HLF: variants seen among roughly 807,000 people sequenced by gnomAD.
HLF encodes hepatic leukemia factor.
In HLF, 3 loss-of-function variants were observed where a neutral mutation model predicts 22.6. The observed-to-expected ratio is 0.13, with a 90% confidence interval of 0.06 to 0.34. The LOEUF (loss-of-function observed/expected upper bound fraction) is 0.34. Among genes scored for constraint, HLF ranks in the 10% least tolerant of loss-of-function variants. The probability of loss-of-function intolerance (pLI) is 1.00; values close to 1 mark genes in which losing one functional copy is unlikely to be tolerated. For synonymous variants in HLF, 151 were observed against 151.8 expected, an observed-to-expected ratio of 0.99 and a Z score of 0.04; for missense variants, 299 against 389.2, an observed-to-expected ratio of 0.77 and a Z score of 1.95.
At chr17:55,297,738 CTTTTTTTTT>C (rs34900287) in intron 2 of HLF, among the ~76,000 whole-genome samples, 1 of 62,890 alleles carries the variant, frequency 1.6e-5, no homozygotes, top group African/African-American at 6.9e-5. Flanking sequence ...AACAGCATTT[CTTTTTTTTT>C]TTTTTTTTTT....
intron 2 of HLF, among the ~76,000 whole-genome samples, chr17:55,275,672 T>C (rs2080898597): frequency 6.6e-6 from 1 of 152,204 alleles, no homozygotes; most frequent in African/African-American, 2.4e-5. Flanking sequence ...ATCCTTAATC[T>C]TTCTGAACCT....
chr17:55,292,108 T>G (rs953591230), intron 2 of HLF, among the ~76,000 whole-genome samples: 11 of 152,210 alleles, frequency 7.2e-5, no homozygotes, highest in African/African-American at 2.4e-4. Flanking sequence ...CTGTGAACAT[T>G]GTTGAAATGC....
intron 2 of HLF, among the ~76,000 whole-genome samples, chr17:55,302,219 G>A (rs1347791437): frequency 6.6e-6 from 1 of 152,204 alleles, no homozygotes; most frequent in Non-Finnish European, 1.5e-5. Context: ...AAATGACAGA[G>A]GGATTGGAGG....
chr17:55,310,621 G>A (rs1034557361), intron 2 of HLF, among the ~76,000 whole-genome samples: 7 of 152,144 alleles, frequency 4.6e-5, no homozygotes, highest in African/African-American at 1.2e-4. Context: ...TGCAGAAACC[G>A]GCTAATGCAG....
intron 2 of HLF, among the ~76,000 whole-genome samples, chr17:55,287,571 C>T (rs2081017380): frequency 6.6e-6 from 1 of 152,226 alleles, no homozygotes; most frequent in Non-Finnish European, 1.5e-5. Flanking sequence ...TTGGTGGATT[C>T]TAACAGCAGG....
At chr17:55,298,561 T>A (rs921131758) in intron 2 of HLF, among the ~76,000 whole-genome samples, 1 of 152,180 alleles carries the variant, frequency 6.6e-6, no homozygotes, top group African/African-American at 2.4e-5. Flanking sequence ...AGCTGGAAAA[T>A]TTCAGTTTTT....
intron 2 of HLF, among the ~76,000 whole-genome samples, chr17:55,274,425 T>C (rs2080886832): frequency 6.6e-6 from 1 of 152,134 alleles, no homozygotes; most frequent in African/African-American, 2.4e-5. Context: ...TATTTGGCCC[T>C]CCCCCAGCAA....
chr17:55,279,668 A>G (rs141655332), intron 2 of HLF, among the ~76,000 whole-genome samples: 6 of 152,308 alleles, frequency 3.9e-5, no homozygotes, highest in South Asian at 2.1e-4. Flanking sequence ...CTTGAGGACA[A>G]AATAGTTTTT....
At chr17:55,267,165 T>C (rs1317616085) in intron 1 of HLF, among the ~76,000 whole-genome samples, 2 of 152,176 alleles carry the variant, frequency 1.3e-5, no homozygotes, top group African/African-American at 4.8e-5. Flanking sequence ...ATGGAGGTAA[T>C]TGTTATTTTG....
At chr17:55,300,926 A>T (rs1044858398) in intron 2 of HLF, among the ~76,000 whole-genome samples, 2 of 151,162 alleles carry the variant, frequency 1.3e-5, no homozygotes, top group Non-Finnish European at 3.0e-5. Flanking sequence ...AATGCTTACC[A>T]CTCTTCTTAC....
intron 2 of HLF, among the ~76,000 whole-genome samples, chr17:55,296,524 A>G (rs1362970971): frequency 6.6e-6 from 1 of 152,204 alleles, no homozygotes; most frequent in East Asian, 1.9e-4. Context: ...TGCATACAAT[A>G]CATAGTGTTA....
At chr17:55,277,819 G>A (rs537370720) in intron 2 of HLF, among the ~76,000 whole-genome samples, 21 of 152,342 alleles carry the variant, frequency 1.4e-4, no homozygotes, top group African/African-American at 4.1e-4. Flanking sequence ...GACAATTACA[G>A]GAGTGTTGGC....
rs1472447742 is a variant in HLF, at chr17:55,265,609, G to C, written c.115+10G>C. 1.3e-6 allele frequency: 2 copies of C among 1,566,448 alleles called. No individual in the cohort carries two copies. Among genetic ancestry groups the C allele is most frequent in the African/African-American group, 2.8e-5 (2 of 72,620 alleles). On this transcript the variant is annotated intron_variant, in intron 1 of 3. Transcript: ENST00000226067. ...CTTCACCACGAAGACGGTGAGCGCT[G>C]CCGCGGCCCCGCTCCGGGAAGGGAC... is the stretch of plus-strand genomic sequence containing the variant.
At position 55,312,770 on chromosome 17, in the gene HLF, T is replaced by G. The variant is rs549465940; in HGVS notation, c.452-2457T>G. Among the ~76,000 whole-genome samples, 10 of 152,352 alleles carry G rather than the reference T, an allele frequency of 6.6e-5. No individual in the cohort carries two copies. The South Asian group carries it at 2.1e-3, about 32-fold the overall frequency. On this transcript the variant is annotated intron_variant, in intron 2 of 3. Coordinates refer to ENST00000226067, the MANE Select transcript of HLF (RefSeq NM_002126.5). ...CTCTCTTTACACATTCCTGTATTTGTTAACATTTCGCAGCGAACATCTTTG... is the reference window on the plus strand; with the variant it reads ...CTCTCTTTACACATTCCTGTATTTGGTAACATTTCGCAGCGAACATCTTTG...
intron 2 of HLF, among the ~76,000 whole-genome samples, chr17:55,308,466 T>C (rs1228295769): frequency 6.6e-6 from 1 of 152,168 alleles, no homozygotes; most frequent in African/African-American, 2.4e-5. Flanking sequence ...CATAAGGGAA[T>C]TGAAACTCAG....
intron 2 of HLF, among the ~76,000 whole-genome samples, chr17:55,297,384 T>G (rs1228399817): frequency 6.6e-6 from 1 of 152,204 alleles, no homozygotes. Flanking sequence ...TTCTCTTATT[T>G]CAGTTTGAAA....
chr17:55,312,757 A>G (rs945199657), intron 2 of HLF, among the ~76,000 whole-genome samples: 4 of 152,204 alleles, frequency 2.6e-5, no homozygotes, highest in African/African-American at 9.6e-5. Flanking sequence ...CTCTTTACAC[A>G]TTCCTGTATT....
intron 2 of HLF, among the ~76,000 whole-genome samples, chr17:55,291,525 G>GA (rs1365386938): frequency 1.3e-5 from 2 of 151,866 alleles, no homozygotes; most frequent in Non-Finnish European, 2.9e-5. Flanking sequence ...TACTGCTCAG[G>GA]AAAAAAAATC....
chr17:55,301,798 G>C (rs1040229929), intron 2 of HLF, among the ~76,000 whole-genome samples: 1 of 152,188 alleles, frequency 6.6e-6, no homozygotes, highest in African/African-American at 2.4e-5. Flanking sequence ...TTGGCAGATG[G>C]GATTGCAGGT....
Sources: gnomAD v4.1 joint callset for allele counts (sites outside exome capture counted in the v4.1 genomes callset) on GRCh38, gnomAD v4.1.1 for gene constraint, MANE v1.5 for transcripts, NCBI Gene and HGNC (gene_info 2026-07-23, HGNC 2026-07-21) for gene names.